LRP1: variants seen among roughly 807,000 people sequenced by gnomAD.
The protein encoded by LRP1 is LDL receptor related protein 1.
In LRP1, 51 loss-of-function variants were observed where a neutral mutation model predicts 541.5. The observed-to-expected ratio is 0.09, with a 90% confidence interval of 0.08 to 0.12. LRP1 has a LOEUF of 0.12. Ranked by LOEUF, LRP1 falls within the 10% of genes least tolerant of loss-of-function variation. LRP1 has a pLI of 1.00. For synonymous variants in LRP1, 2,219 were observed against 2,470.8 expected (o/e 0.90, Z 3.02); for missense variants, 3,878 against 6,376.2 (o/e 0.61, Z 13.34).
chr12:57,139,023 T>A (rs2035232529), intron 2 of LRP1, among the ~76,000 whole-genome samples: 1 of 152,028 alleles, frequency 6.6e-6, no homozygotes, highest in Non-Finnish European at 1.5e-5. Flanking sequence ...GCCCCACCCC[T>A]GTGCTCTTCC....
intron 10 of LRP1, 112 bp downstream of exon 10, chr12:57,157,032 G>A (rs1052670904): frequency 7.7e-7 from 1 of 1,301,956 alleles, no homozygotes; most frequent in Non-Finnish European, 1.0e-6. Context: ...TGAAGGAAGT[G>A]TCCCAGAGTG....
intron 51 of LRP1, 38 bp from the exon 52 acceptor site, chr12:57,195,233 G>A (rs367909257): frequency 3.3e-5 from 53 of 1,607,288 alleles, no homozygotes; most frequent in African/African-American, 1.7e-4. Context: ...TGATCTACCC[G>A]CTCCTAAGTC....
At position 57,181,255 on chromosome 12, in the gene LRP1, G is replaced by A. The variant is rs2036161030; in HGVS notation, c.5626G>A (p.Gly1876Ser). 6.2e-7 allele frequency: 1 copy of A among 1,613,448 alleles called. No individual in the cohort carries two copies. Among genetic ancestry groups the A allele is most frequent in the Non-Finnish European group, 8.5e-7 (1 of 1,180,010 alleles). ...ETTRSCMCTAGYSLRSGQQAC... is the reference protein window; with the variant it reads ...ETTRSCMCTASYSLRSGQQAC... Reference sequence around the variant, plus strand: ...GACCCGCTCCTGCATGTGCACAGCCGGCTATAGCCTCCGGAGTGGCCAGCA... The same window carrying A: ...GACCCGCTCCTGCATGTGCACAGCCAGCTATAGCCTCCGGAGTGGCCAGCA... The change falls in exon 34 of 89, where the codon GGC (glycine) becomes AGC (serine). Residue 1876 changes from glycine to serine, a missense_variant. Coordinates refer to ENST00000243077, the MANE Select transcript of LRP1 (RefSeq NM_002332.3).
At chr12:57,190,678 T>C (rs763084156) in intron 42 of LRP1, 127 bp from the exon 43 acceptor site, 9 of 744,134 alleles carry the variant, frequency 1.2e-5, no homozygotes, top group Non-Finnish European at 2.1e-5. Flanking sequence ...ACTGCTGGCC[T>C]CTATGGCTCT....
intron 19 of LRP1, among the ~76,000 whole-genome samples, chr12:57,168,574 A>T (rs2035883309): frequency 6.6e-6 from 1 of 152,206 alleles, no homozygotes; most frequent in African/African-American, 2.4e-5. Flanking sequence ...ACAGAGGGTC[A>T]AGTCAAGCAG....
chr12:57,135,734 T>G (rs560195426), intron 1 of LRP1, among the ~76,000 whole-genome samples: 52 of 152,312 alleles, frequency 3.4e-4, no homozygotes, highest in African/African-American at 1.2e-3. Context: ...ATCCCCTCCC[T>G]GCAAGAGCAC....
At chr12:57,134,134 G>C (rs1368860998) in intron 1 of LRP1, among the ~76,000 whole-genome samples, 1 of 152,182 alleles carries the variant, frequency 6.6e-6, no homozygotes, top group Non-Finnish European at 1.5e-5. Context: ...CCTGGGTTTG[G>C]GGGGGTGGGG....
Position 57,204,107 on chromosome 12 carries a change from A to T in LRP1, c.10952-303A>T. On this transcript the variant is annotated intron_variant, in intron 70 of 88. Transcript: ENST00000243077. This position sits in a 1 kb window ranked among gnomAD's most constrained non-coding sequence, Gnocchi z 5.3. ...GTTCCCGCGTCCCCGCTGTGGAACT[A>T]CACAGCCCAGTGCTGTTCCCACGTC... 3.5e-6 allele frequency: 1 copy of T among 285,392 alleles called. No individual in the cohort carries two copies. The allele number at this position is 285,392 out of a possible 1,614,324, so 17.7% of individuals were successfully genotyped here. A position where few individuals can be genotyped will look rare whatever the true frequency, so the allele number is the denominator to read the frequency against.
At chr12:57,190,710 G>C in intron 42 of LRP1, 95 bp from the exon 43 acceptor site, 1 of 1,173,398 alleles carries the variant, frequency 8.5e-7, no homozygotes, top group Non-Finnish European at 1.2e-6. Context: ...GCCCTGGCAG[G>C]CTTCCAGGTT....
rs2035990368 is a variant in LRP1 at position 57,173,798 on chromosome 12, C to T, written c.3365C>T (p.Ala1122Val). 1.2e-6 allele frequency: 2 copies of T among 1,614,204 alleles called. No individual in the cohort carries two copies. Among genetic ancestry groups the T allele is most frequent in the African/African-American group, 1.3e-5 (1 of 75,044 alleles). The part of the protein sequence containing the change: ...CKDSARCISK[A>V]WVCDGDNDCE... The stretch of plus-strand genomic sequence containing the variant: ...CCCTCAGCTCGGTGCATCAGCAAAG[C>T]GTGGGTGTGTGATGGCGACAATGAC... Residue 1122 changes from alanine (A) to valine (V), a missense_variant, in exon 22 of 89, where the codon GCG becomes GTG. By Grantham distance (64) the Ala-to-Val change is moderately conservative (BLOSUM62 0). This residue lies in a region of LRP1 where 320 missense variants were observed against 547.9 expected (regional missense o/e 0.58). Coordinates refer to ENST00000243077, the MANE Select transcript of LRP1 (RefSeq NM_002332.3). The surrounding 1 kb of genome is among the most constrained non-coding windows in gnomAD (Gnocchi z 4.7).
Position 57,204,095 on chromosome 12 carries a change from C to T in LRP1, c.10952-315C>T, listed in dbSNP as rs904238856. The T allele has an allele frequency of 1.1e-4, 28 of 262,008 alleles. No homozygotes were observed. The highest frequency in any genetic ancestry group is 1.7e-4 in the Non-Finnish European group (24 of 138,738). 16.2% of individuals were successfully genotyped at this position (262,008 alleles called of 1,614,324 possible). Reference sequence around the variant, plus strand: ...CAGCCCAGTGCTGTTCCCGCGTCCCCGCTGTGGAACTACACAGCCCAGTGC... The same window carrying T: ...CAGCCCAGTGCTGTTCCCGCGTCCCTGCTGTGGAACTACACAGCCCAGTGC... On this transcript the variant is annotated intron_variant, in intron 70 of 88. Coordinates refer to ENST00000243077, the MANE Select transcript of LRP1 (RefSeq NM_002332.3). This position sits in a 1 kb window ranked among gnomAD's most constrained non-coding sequence, Gnocchi z 5.3.
chr12:57,199,038 C>T (rs1314961417), intron 60 of LRP1, among the ~76,000 whole-genome samples, 174 bp from the exon 61 acceptor site: 1 of 152,220 alleles, frequency 6.6e-6, no homozygotes, highest in Non-Finnish European at 1.5e-5. Flanking sequence ...GTTTGAACTC[C>T]AGCTCTGACA....
chr12:57,190,769 G>T, intron 42 of LRP1, 36 bp from the exon 43 acceptor site: 1 of 1,598,756 alleles, frequency 6.3e-7, no homozygotes, highest in African/African-American at 1.3e-5. Flanking sequence ...GGATTCTCAG[G>T]CTTTGCCTCC....
intron 13 of LRP1, among the ~76,000 whole-genome samples, chr12:57,161,824 C>T (rs1006885470): frequency 2.6e-5 from 4 of 152,126 alleles, no homozygotes; most frequent in South Asian, 2.1e-4. Context: ...CTGGATCACC[C>T]GTATGTGCCC....
At position 57,205,601 on chromosome 12, in the gene LRP1, C is replaced by T; in HGVS notation, c.11514C>T (p.Cys3838=). 6.2e-7 allele frequency: 1 copy of T among 1,613,954 alleles called. No individual in the cohort carries two copies. The highest frequency in any genetic ancestry group is 8.5e-7 in the Non-Finnish European group (1 of 1,180,036). The change falls in exon 75 of 89, where the codon TGC becomes TGT. Residue 3838 remains cysteine, a synonymous_variant. Transcript: ENST00000243077. The surrounding 1 kb of genome is among the most constrained non-coding windows in gnomAD (Gnocchi z 4.6). ...CLRFGTCSQL[C]NNTKGGHLCS... is the part of the protein sequence containing the mutation. Reference sequence around the variant, plus strand: ...GCTTCGGCACCTGCTCCCAGCTCTGCAACAACACCAAGGGCGGCCACCTCT... The same window carrying T: ...GCTTCGGCACCTGCTCCCAGCTCTGTAACAACACCAAGGGCGGCCACCTCT...
Position 57,156,021 on chromosome 12 carries a change from C to A in LRP1, c.1228-73C>A. ...TGCAGGTCATGAAGTCTGGAGGAAG[C>A]TGAGGGGATCTCCAGGACAGAGGGA... On this transcript the variant is annotated intron_variant, in intron 8 of 88. Coordinates refer to ENST00000243077, the MANE Select transcript of LRP1 (RefSeq NM_002332.3). The surrounding 1 kb of genome is among the most constrained non-coding windows in gnomAD (Gnocchi z 5.2). The A allele has an allele frequency of 1.6e-6, 2 of 1,244,700 alleles. No individual in the cohort carries two copies. The highest frequency in any genetic ancestry group is 1.2e-6 in the Non-Finnish European group (1 of 865,328). The allele number at this position is 1,244,700 out of a possible 1,614,324, so 77.1% of individuals were successfully genotyped here. A position where few individuals can be genotyped will look rare whatever the true frequency, so the allele number is the denominator to read the frequency against.
chr12:57,177,409 C>A lies in LRP1; in HGVS notation c.4197-18C>A. The A allele has an allele frequency of 6.3e-7, 1 of 1,577,988 alleles. No homozygotes were observed. The highest frequency in any genetic ancestry group is 1.2e-5 in the South Asian group (1 of 83,898). On this transcript the variant is annotated intron_variant, in intron 25 of 88. Coordinates refer to ENST00000243077, the MANE Select transcript of LRP1 (RefSeq NM_002332.3). This position sits in a 1 kb window ranked among gnomAD's most constrained non-coding sequence, Gnocchi z 6.8. ...AGGGCCCTGACTTTAGCCCTCCTGACCCCTCCCCACTCCCCAGGATCCTGT... is the reference window on the plus strand; with the variant it reads ...AGGGCCCTGACTTTAGCCCTCCTGAACCCTCCCCACTCCCCAGGATCCTGT...
intron 17 of LRP1, 73 bp from the exon 18 acceptor site, chr12:57,166,857 G>A: frequency 1.2e-6 from 1 of 809,862 alleles, no homozygotes. Context: ...CAAAGGCAGA[G>A]AATAATAGGG....
chr12:57,212,654 C>T lies in LRP1; in HGVS notation c.*99C>T, dbSNP rs766183852. ...CCAGCCAGCCCTTCCCTGGCCCCGC[C>T]GGATGTATAAATGTAAAAATGAAGG... On this transcript the variant is annotated 3_prime_UTR_variant, in exon 89 of 89. Transcript: ENST00000243077. This position sits in a 1 kb window ranked among gnomAD's most constrained non-coding sequence, Gnocchi z 5.0. 3.4e-5 allele frequency: 42 copies of T among 1,236,116 alleles called. No homozygotes were observed. The highest frequency in any genetic ancestry group is 5.9e-5 in the South Asian group (4 of 67,246). The allele number at this position is 1,236,116 out of a possible 1,614,324, so 76.6% of individuals were successfully genotyped here. A position where few individuals can be genotyped will look rare whatever the true frequency, so the allele number is the denominator to read the frequency against.
Sources: allele counts gnomAD v4.1 joint callset (sites outside exome capture counted in the v4.1 genomes callset), GRCh38; gene constraint gnomAD v4.1.1; regional missense constraint gnomAD v4.1.1; non-coding constraint Gnocchi (gnomAD v3.1); transcripts MANE v1.5; gene names NCBI Gene and HGNC (gene_info 2026-07-23, HGNC 2026-07-21).